CCSER1: variants seen among roughly 807,000 people sequenced by gnomAD.
The protein encoded by CCSER1 is serine-rich coiled-coil domain-containing protein 1.
Under a neutral mutation model 82.0 loss-of-function variants are expected in CCSER1, and 41 were observed. The observed-to-expected ratio is 0.50, with a 90% confidence interval of 0.39 to 0.65. The LOEUF is 0.65. Among genes scored for constraint, CCSER1 ranks in the 30% least tolerant of loss-of-function variants. The pLI, the probability that CCSER1 is intolerant of heterozygous loss-of-function variation, is 0.00. For missense variants in CCSER1, 1,119 were observed against 1,064.2 expected, an observed-to-expected ratio of 1.05 and a Z score of -0.72; for synonymous variants, 414 against 383.9, an observed-to-expected ratio of 1.08 and a Z score of -0.92.
intron 7 of CCSER1, among the ~76,000 whole-genome samples, chr4:90,802,427 A>G (rs2149705484): frequency 6.6e-6 from 1 of 151,596 alleles, no homozygotes; most frequent in Admixed American, 6.6e-5. Flanking sequence ...TTCATTTAAT[A>G]GTATTTAAAT....
intron 10 of CCSER1, among the ~76,000 whole-genome samples, chr4:91,566,530 G>T (rs971333309): frequency 6.6e-6 from 1 of 151,944 alleles, no homozygotes; most frequent in African/African-American, 2.4e-5. Context: ...GGCTTTATTT[G>T]GCTGGTAGGC....
chr4:91,062,961 C>G (rs1744082229), intron 9 of CCSER1, among the ~76,000 whole-genome samples: 1 of 151,898 alleles, frequency 6.6e-6, no homozygotes, highest in African/African-American at 2.4e-5. Flanking sequence ...CCTGGAATAA[C>G]CAATGATTTA....
chr4:90,606,263 CATT>C (rs1435970600), intron 5 of CCSER1, among the ~76,000 whole-genome samples: 5 of 152,130 alleles, frequency 3.3e-5, no homozygotes, highest in Admixed American at 2.6e-4. Context: ...AAAAATATGT[CATT>C]AGGCTGTTTC....
intron 1 of CCSER1, among the ~76,000 whole-genome samples, chr4:90,155,654 A>G (rs1244576032): frequency 3.3e-5 from 5 of 152,196 alleles, no homozygotes; most frequent in East Asian, 3.8e-4. Flanking sequence ...TAGATTTTCT[A>G]GTTTATTTGC....
intron 10 of CCSER1, among the ~76,000 whole-genome samples, chr4:91,220,682 T>TAACC (rs1317512006): frequency 6.6e-6 from 1 of 152,088 alleles, no homozygotes; most frequent in Non-Finnish European, 1.5e-5. Flanking sequence ...CTACTTCACA[T>TAACC]AACCCTGCAA....
chr4:91,076,199 C>T (rs1267061043), intron 9 of CCSER1, among the ~76,000 whole-genome samples: 2 of 151,910 alleles, frequency 1.3e-5, no homozygotes, highest in African/African-American at 2.4e-5. Flanking sequence ...TATACTGCTT[C>T]AGGTTTTCAA....
At chr4:90,164,345 C>A (rs1730054057) in intron 1 of CCSER1, among the ~76,000 whole-genome samples, 1 of 150,244 alleles carries the variant, frequency 6.7e-6, no homozygotes, top group East Asian at 1.9e-4. Context: ...TATTTTAGAA[C>A]AAAATTTATT....
chr4:90,403,248 C>T (rs1753160655), intron 4 of CCSER1, among the ~76,000 whole-genome samples: 1 of 151,914 alleles, frequency 6.6e-6, no homozygotes, highest in South Asian at 2.1e-4. Flanking sequence ...GCCTGTAATC[C>T]CAGCACTTTG....
intron 5 of CCSER1, among the ~76,000 whole-genome samples, chr4:90,598,245 A>T (rs1308281956): frequency 1.3e-5 from 2 of 151,980 alleles, no homozygotes; most frequent in East Asian, 3.9e-4. Context: ...GCACCAATTT[A>T]TTTTTTTATT....
intron 10 of CCSER1, among the ~76,000 whole-genome samples, chr4:91,543,441 G>T (rs60710816): frequency 0.017 from 2,607 of 152,164 alleles, 68 homozygotes; most frequent in African/African-American, 0.057. Context: ...GGCTGGTACC[G>T]GTTGTTCCTT....
chr4:91,236,539 T>C (rs1258548704), intron 10 of CCSER1, among the ~76,000 whole-genome samples: 1 of 152,102 alleles, frequency 6.6e-6, no homozygotes, highest in East Asian at 1.9e-4. Context: ...TGTTAGCCTA[T>C]GCAGTGTTCT....
intron 10 of CCSER1, among the ~76,000 whole-genome samples, chr4:91,499,418 T>G (rs1368192397): frequency 1.3e-5 from 2 of 152,012 alleles, no homozygotes; most frequent in African/African-American, 4.8e-5. Flanking sequence ...GCCACCCCAC[T>G]GTGGACATCC....
In CCSER1 at chr4:91,600,817, C is replaced by T. The variant is rs1263694216; in HGVS notation, c.*1760C>T. 1 of 151,984 alleles carries T rather than the reference C, an allele frequency of 6.6e-6. No individual in the cohort carries two copies. The highest frequency in any genetic ancestry group is 2.4e-5 in the African/African-American group (1 of 41,376). 9.4% of individuals were successfully genotyped at this position (151,984 alleles called of 1,614,324 possible). On this transcript the variant is annotated 3_prime_UTR_variant, in exon 11 of 11. Coordinates refer to ENST00000509176, the MANE Select transcript of CCSER1 (RefSeq NM_001145065.2). ...ATTTGCCAAATGTTTTCTTTCTTTG[C>T]GTGTTTGTAATTCTGCCAAAAGAGA... is the stretch of plus-strand genomic sequence containing the variant.
rs1441608133 is a variant in CCSER1 at position 91,478,849 on chromosome 4, CATT to C, written c.2218-119720_2218-119718del. 1.8e-4 allele frequency among the ~76,000 whole-genome samples: 27 copies of C among 151,660 alleles called. No homozygotes were observed. In the East Asian group the frequency reaches 5.2e-3, roughly 29 times the overall value. ...AATTTAAGAAATATATAAAAATACT[CATT>C]ATAATTAAATCTTCTATATTTAGCA... On this transcript the variant is annotated intron_variant, in intron 10 of 10. Transcript: ENST00000509176.
At chr4:91,361,222 T>G (rs1330951613) in intron 10 of CCSER1, among the ~76,000 whole-genome samples, 1 of 151,866 alleles carries the variant, frequency 6.6e-6, no homozygotes, top group Admixed American at 6.6e-5. Flanking sequence ...TATATTAAGG[T>G]ATTCATTAAA....
chr4:90,584,139 T>A (rs1781730797), intron 5 of CCSER1, among the ~76,000 whole-genome samples: 1 of 152,158 alleles, frequency 6.6e-6, no homozygotes, highest in South Asian at 2.1e-4. Context: ...CTGGGTTATG[T>A]TATAAAGCTA....
chr4:90,577,648 A>C (rs777267828), intron 5 of CCSER1, among the ~76,000 whole-genome samples: 1 of 152,004 alleles, frequency 6.6e-6, no homozygotes, highest in Non-Finnish European at 1.5e-5. Flanking sequence ...TGACTTCTAA[A>C]CTTTTTACAT....
chr4:91,060,306 G>A, intron 9 of CCSER1, among the ~76,000 whole-genome samples: 1 of 151,986 alleles, frequency 6.6e-6, no homozygotes, highest in East Asian at 1.9e-4. Flanking sequence ...AGGAAATACT[G>A]ATAATTTTTA....
At chr4:91,157,019 C>T (rs952211246) in intron 10 of CCSER1, among the ~76,000 whole-genome samples, 10 of 151,930 alleles carry the variant, frequency 6.6e-5, no homozygotes, top group Admixed American at 1.3e-4. Flanking sequence ...GATCTGGCTT[C>T]AGTTTCAATT....
Sources: allele counts gnomAD v4.1 joint callset (sites outside exome capture counted in the v4.1 genomes callset), GRCh38; gene constraint gnomAD v4.1.1; transcripts MANE v1.5; gene names NCBI Gene and HGNC (gene_info 2026-07-23, HGNC 2026-07-21).